The following TBX20 variants were observed in gnomAD, a reference collection of about 807,000 sequenced individuals.
The protein encoded by TBX20 is T-box transcription factor TBX20.
Under a neutral mutation model 42.9 loss-of-function variants are expected in TBX20, and 8 were observed. The observed-to-expected ratio is 0.19, with a 90% CI of 0.11 to 0.34. The LOEUF is 0.34. TBX20 is among the 10% of genes least tolerant of loss of function. The pLI, the probability that TBX20 is intolerant of heterozygous loss-of-function variation, is 1.00. For missense variants in TBX20, 411 were observed against 566.0 expected, an observed-to-expected ratio of 0.73 and a Z score of 2.78; for synonymous variants, 198 against 222.8, an observed-to-expected ratio of 0.89 and a Z score of 0.99.
rs1309453915 is a variant in TBX20, at chr7:35,248,770, T to C, written c.452A>G (p.Asp151Gly). The change falls in exon 3 of 8, where the codon GAC (aspartate) becomes GGC (glycine). Residue 151 changes from aspartate (D) to glycine (G), a missense_variant. Asp to Gly is a moderately conservative substitution (Grantham distance 94). Transcript: ENST00000408931. ...CCTCTTGTTGTCCACAGGGACGATG[T>C]CCATCAGGACTATGTACTTGGCCTC... Reference protein sequence around the residue: ...DPEAKYIVLMDIVPVDNKRYR... With the variant: ...DPEAKYIVLMGIVPVDNKRYR... 1 of 1,614,126 alleles carries C rather than the reference T, an allele frequency of 6.2e-7. No individual in the cohort carries two copies. The highest frequency in any genetic ancestry group is 1.1e-5 in the South Asian group (1 of 91,082).
At chr7:35,203,640 C>G (rs1439854301) in intron 7 of TBX20, among the ~76,000 whole-genome samples, 1 of 152,166 alleles carries the variant, frequency 6.6e-6, no homozygotes, top group African/African-American at 2.4e-5. Context: ...TTCTGATCAA[C>G]AGTAGGCTAT....
At chr7:35,219,539 A>T (rs534039200) in intron 6 of TBX20, among the ~76,000 whole-genome samples, 2 of 152,260 alleles carry the variant, frequency 1.3e-5, no homozygotes, top group African/African-American at 4.8e-5. Context: ...CAGTTTGCCA[A>T]CCCCTGCTTT....
intron 4 of TBX20, 102 bp downstream of exon 4, chr7:35,244,847 A>G: frequency 2.5e-6 from 2 of 798,164 alleles, no homozygotes; most frequent in Middle Eastern, 2.4e-4. Context: ...AGAAGGTGGG[A>G]AGGGGATAGG....
At chr7:35,221,335 A>G (rs963243367) in intron 6 of TBX20, among the ~76,000 whole-genome samples, 10 of 151,398 alleles carry the variant, frequency 6.6e-5, no homozygotes, top group Non-Finnish European at 1.0e-4. Flanking sequence ...AAAAGAAAGG[A>G]AGAAAATTTT....
Position 35,253,479 on chromosome 7 carries a change from G to T in TBX20, c.127+15C>A. ...ATCCCCAGTCCTCGGCGGACAGCCG[G>T]GTAGCCCAACTTACCCAGGGGTTTG... On this transcript the variant is annotated intron_variant, in intron 1 of 7. Transcript: ENST00000408931. 2 of 1,606,626 alleles carry T rather than the reference G, an allele frequency of 1.2e-6. No homozygotes were observed. Among genetic ancestry groups the T allele is most frequent in the Non-Finnish European group, 1.7e-6 (2 of 1,177,024 alleles).
intron 6 of TBX20, among the ~76,000 whole-genome samples, chr7:35,222,731 A>G (rs1789703005): frequency 6.6e-6 from 1 of 152,062 alleles, no homozygotes; most frequent in Non-Finnish European, 1.5e-5. Flanking sequence ...AAGAAATGTA[A>G]TCAGGTCTGT....
intron 5 of TBX20, among the ~76,000 whole-genome samples, 155 bp from the exon 6 acceptor site, chr7:35,231,735 G>A (rs563467963): frequency 3.3e-5 from 5 of 152,296 alleles, no homozygotes; most frequent in African/African-American, 9.6e-5. Context: ...TCACAAGAGG[G>A]ACAAATCCCA....
chr7:35,205,019 C>A (rs1209536116), intron 6 of TBX20, among the ~76,000 whole-genome samples: 2 of 152,206 alleles, frequency 1.3e-5, no homozygotes, highest in East Asian at 1.9e-4. Context: ...ACTGATCCAA[C>A]AACCAATGAA....
intron 5 of TBX20, among the ~76,000 whole-genome samples, chr7:35,234,972 C>T (rs1316758208): frequency 1.3e-5 from 2 of 152,192 alleles, no homozygotes; most frequent in East Asian, 3.9e-4. Context: ...TCTGAATCTA[C>T]TAGGGTGTCC....
intron 6 of TBX20, among the ~76,000 whole-genome samples, chr7:35,214,224 T>A (rs1342132188): frequency 1.3e-5 from 2 of 152,166 alleles, no homozygotes; most frequent in Non-Finnish European, 2.9e-5. Context: ...ATAATCCTAA[T>A]TCAGAATAAT....
chr7:35,206,511 C>T (rs563026478), intron 6 of TBX20, among the ~76,000 whole-genome samples: 2 of 152,304 alleles, frequency 1.3e-5, no homozygotes, highest in South Asian at 2.1e-4. Flanking sequence ...CGTGCCACTT[C>T]ACTCCAGCCT....
chr7:35,203,883 C>T (rs1282526511), intron 7 of TBX20, among the ~76,000 whole-genome samples: 1 of 152,178 alleles, frequency 6.6e-6, no homozygotes, highest in East Asian at 1.9e-4. Flanking sequence ...AGAATGGAGC[C>T]CCTCTGGGCT....
intron 6 of TBX20, among the ~76,000 whole-genome samples, chr7:35,223,525 C>T (rs1562560858): frequency 1.3e-5 from 2 of 152,078 alleles, no homozygotes; most frequent in Non-Finnish European, 2.9e-5. Flanking sequence ...CAATGAAGGA[C>T]ACACAGAAAG....
At chr7:35,237,724 A>G (rs1789993712) in intron 5 of TBX20, among the ~76,000 whole-genome samples, 1 of 152,174 alleles carries the variant, frequency 6.6e-6, no homozygotes, top group Non-Finnish European at 1.5e-5. Context: ...AAGTAGAAAA[A>G]CAAGAATTAA....
intron 1 of TBX20, among the ~76,000 whole-genome samples, chr7:35,251,145 G>A (rs1790297837): frequency 6.6e-6 from 1 of 152,150 alleles, no homozygotes; most frequent in Admixed American, 6.5e-5. Context: ...TCACTTTGAT[G>A]GAATACAGGG....
chr7:35,216,550 G>A (rs1019785547), intron 6 of TBX20, among the ~76,000 whole-genome samples: 2 of 152,262 alleles, frequency 1.3e-5, no homozygotes, highest in African/African-American at 4.8e-5. Context: ...CTCAATAAAT[G>A]TTTATAGATA....
intron 5 of TBX20, among the ~76,000 whole-genome samples, chr7:35,236,910 C>T (rs1254655422): frequency 7.4e-6 from 1 of 134,230 alleles, no homozygotes; most frequent in African/African-American, 2.9e-5. Context: ...GATTTTGATC[C>T]CATTTATGAT....
chr7:35,219,927 T>C lies in TBX20; in HGVS notation c.890+11577A>G, dbSNP rs572630649. On this transcript the variant is annotated intron_variant, in intron 6 of 7. Coordinates refer to ENST00000408931, the MANE Select transcript of TBX20 (RefSeq NM_001077653.2). ...AAACTTCATGTGTTTGAAAGTTTTA[T>C]TCAGTGCAAGTGGTTTTAAAGTCAC... Among the ~76,000 whole-genome samples, 9 of 152,344 alleles carry C rather than the reference T, an allele frequency of 5.9e-5. No homozygotes were observed. In the East Asian group the frequency reaches 7.7e-4, roughly 13 times the overall value.
At chr7:35,220,992 A>T (rs991331528) in intron 6 of TBX20, among the ~76,000 whole-genome samples, 3 of 152,194 alleles carry the variant, frequency 2.0e-5, no homozygotes, top group African/African-American at 7.2e-5. Flanking sequence ...TAAAGACAGA[A>T]GCCAGAATAT....
Sources: allele counts gnomAD v4.1 joint callset (sites outside exome capture counted in the v4.1 genomes callset), GRCh38; gene constraint gnomAD v4.1.1; transcripts MANE v1.5; gene names NCBI Gene and HGNC (gene_info 2026-07-23, HGNC 2026-07-21).